The following MAD1L1 variants were observed in gnomAD, a reference collection of about 807,000 sequenced individuals.
MAD1L1 encodes mitotic spindle assembly checkpoint protein MAD1.
Under a neutral mutation model 96.9 loss-of-function variants are expected in MAD1L1, and 95 were observed. The ratio of observed to expected loss-of-function variants is 0.98; its 90% confidence interval spans 0.83 to 1.16. MAD1L1 has a LOEUF of 1.16. MAD1L1 is among the 50% of genes most tolerant of loss of function. The pLI is 0.00. For missense variants in MAD1L1, 1,007 were observed against 954.4 expected, an observed-to-expected ratio of 1.06 and a Z score of -0.73; for synonymous variants, 473 against 396.6, an observed-to-expected ratio of 1.19 and a Z score of -2.29.
intron 11 of MAD1L1, among the ~76,000 whole-genome samples, chr7:2,084,148 C>G (rs149812362): frequency 6.6e-6 from 1 of 152,386 alleles, no homozygotes; most frequent in East Asian, 1.9e-4. Context: ...GGTGGACACT[C>G]CGCAGGATCT....
intron 18 of MAD1L1, chr7:1,847,008 T>G (rs1480013939): frequency 3.0e-6 from 1 of 337,762 alleles, no homozygotes; most frequent in Non-Finnish European, 5.8e-6. Context: ...CCACATTCAT[T>G]ACAAAGAGAC....
intron 12 of MAD1L1, among the ~76,000 whole-genome samples, chr7:2,058,723 A>G (rs1286492206): frequency 1.3e-4 from 10 of 77,820 alleles, no homozygotes; most frequent in African/African-American, 2.0e-4. Flanking sequence ...GGAGAGGCGC[A>G]GGGCTGGAGA....
chr7:1,873,895 G>A (rs1785239621), intron 18 of MAD1L1, among the ~76,000 whole-genome samples: 1 of 152,212 alleles, frequency 6.6e-6, no homozygotes, highest in Non-Finnish European at 1.5e-5. Flanking sequence ...TGGATGCTGA[G>A]CCCATCAAGT....
intron 17 of MAD1L1, among the ~76,000 whole-genome samples, chr7:1,918,532 T>C (rs1788566987): frequency 6.6e-6 from 1 of 152,202 alleles, no homozygotes; most frequent in Admixed American, 6.5e-5. Context: ...AGGGAGGATC[T>C]GTTTGCAGGC....
chr7:1,823,776 T>C lies in MAD1L1; in HGVS notation c.1999-7548A>G, dbSNP rs1317859752. ...TGGCCTTCCTGGGAGAAGCACCCCC[T>C]TGTTCCAGATGAGAAGCCGCAGCTG... On this transcript the variant is annotated intron_variant, in intron 18 of 18. Transcript: ENST00000265854. 1.7e-4 allele frequency among the ~76,000 whole-genome samples: 26 copies of C among 152,138 alleles called. 1 individual carries two copies. Among genetic ancestry groups the C allele is most frequent in the Non-Finnish European group, 1.8e-4 (12 of 67,998 alleles).
At chr7:1,974,720 G>C (rs140049473) in intron 15 of MAD1L1, among the ~76,000 whole-genome samples, 1 of 152,356 alleles carries the variant, frequency 6.6e-6, no homozygotes, top group African/African-American at 2.4e-5. Flanking sequence ...GAGAGGAAAT[G>C]ATCAGTGAAC....
At position 1,861,156 on chromosome 7, in the gene MAD1L1, G is replaced by A. The variant is rs974447852; in HGVS notation, c.1998+37044C>T. On this transcript the variant is annotated intron_variant, in intron 18 of 18. Coordinates refer to ENST00000265854, the MANE Select transcript of MAD1L1 (RefSeq NM_001013836.2). Reference sequence around the variant, plus strand: ...TATTCAAACCACAACCACCAAAGACGGGCAGGAGGCTGGTGACCCCCCGGG... The same window carrying A: ...TATTCAAACCACAACCACCAAAGACAGGCAGGAGGCTGGTGACCCCCCGGG... Among the ~76,000 whole-genome samples the A allele has an allele frequency of 3.9e-5, 6 of 152,176 alleles. No individual in the cohort carries two copies. The East Asian group carries it at 5.8e-4, about 15-fold the overall frequency.
chr7:1,933,776 T>A (rs1050406099), intron 17 of MAD1L1, among the ~76,000 whole-genome samples: 1 of 152,170 alleles, frequency 6.6e-6, no homozygotes, highest in Non-Finnish European at 1.5e-5. Context: ...GGCACACAGA[T>A]GGACAGATGG....
rs186306133 is a variant in MAD1L1, at chr7:2,075,807, T to C, written c.1074-6469A>G. 4.6e-4 allele frequency among the ~76,000 whole-genome samples: 70 copies of C among 152,340 alleles called. 2 individuals carry two copies. In the East Asian group the frequency reaches 0.011, roughly 24 times the overall value. On this transcript the variant is annotated intron_variant, in intron 11 of 18. Coordinates refer to ENST00000265854, the MANE Select transcript of MAD1L1 (RefSeq NM_001013836.2). ...TTAACGACCTTCCTCAAGACACTGC[T>C]GAGCCAGCTCTTCCACGCACGACCC...
intron 11 of MAD1L1, among the ~76,000 whole-genome samples, chr7:2,106,301 G>A (rs1284035110): frequency 1.3e-5 from 2 of 151,958 alleles, no homozygotes; most frequent in East Asian, 1.9e-4. Flanking sequence ...CATCCCTGGA[G>A]ACGGCCATGG....
intron 18 of MAD1L1, among the ~76,000 whole-genome samples, chr7:1,823,351 T>A (rs1270942426): frequency 2.6e-5 from 4 of 152,084 alleles, no homozygotes; most frequent in African/African-American, 9.7e-5. Context: ...GCTCTGACAC[T>A]CAACACCAAA....
chr7:1,921,215 G>T (rs926221935), intron 17 of MAD1L1, among the ~76,000 whole-genome samples: 1 of 152,242 alleles, frequency 6.6e-6, no homozygotes. Context: ...AGACACAGAC[G>T]CTGGAAAGCC....
intron 11 of MAD1L1, among the ~76,000 whole-genome samples, chr7:2,071,547 C>T (rs1359302646): frequency 6.6e-6 from 1 of 152,222 alleles, no homozygotes; most frequent in South Asian, 2.1e-4. Flanking sequence ...GGCTGCAGCC[C>T]CTGGGCAGCT....
chr7:2,163,282 G>C lies in MAD1L1; in HGVS notation c.987-14044C>G, dbSNP rs559655192. Among the ~76,000 whole-genome samples, 4 of 152,300 alleles carry C rather than the reference G, an allele frequency of 2.6e-5. No homozygotes were observed. The South Asian group carries it at 8.3e-4, about 32-fold the overall frequency. On this transcript the variant is annotated intron_variant, in intron 10 of 18. Transcript: ENST00000265854. The stretch of plus-strand genomic sequence containing the variant: ...GCTTGCTCTGGGAGTGTGGGTTGGG[G>C]GCGTAATGGGATGGAACTAGGGAAG...
rs1269769616 is a variant in MAD1L1, at chr7:2,219,430, G to A, written c.498C>T (p.Ile166=). 1 of 1,613,618 alleles carries A rather than the reference G, an allele frequency of 6.2e-7. No individual in the cohort carries two copies. Among genetic ancestry groups the A allele is most frequent in the Non-Finnish European group, 8.5e-7 (1 of 1,179,912 alleles). The part of the protein sequence containing the change: ...GETINALKGR[I]SELQWSVMDQ... ...CCATCACGCTCCACTGCAGTTCCGAGATCCTCCCCTTCAGTGCGTTGATGG... is the reference window on the plus strand; with the variant it reads ...CCATCACGCTCCACTGCAGTTCCGAAATCCTCCCCTTCAGTGCGTTGATGG... The change falls in exon 6 of 19, where the codon ATC becomes ATT. Residue 166 remains isoleucine (I), a synonymous_variant. Transcript: ENST00000265854.
At chr7:2,219,303 C>T (rs1249023489) in intron 6 of MAD1L1, 29 bp downstream of exon 6, 1 of 1,539,662 alleles carries the variant, frequency 6.5e-7, no homozygotes, top group Middle Eastern at 2.2e-4. Context: ...GTGACCCGAC[C>T]CCCGACCCCA....
chr7:1,992,644 T>C (rs1781402095), intron 14 of MAD1L1, among the ~76,000 whole-genome samples: 2 of 152,302 alleles, frequency 1.3e-5, no homozygotes, highest in East Asian at 1.9e-4. Context: ...CTCCTGTCCC[T>C]GTGAAGCCTC....
intron 17 of MAD1L1, among the ~76,000 whole-genome samples, chr7:1,914,219 T>G (rs1470678255): frequency 6.6e-6 from 1 of 152,130 alleles, no homozygotes; most frequent in South Asian, 2.1e-4. Context: ...GATGGCGCTG[T>G]GATGGGTGGC....
At chr7:2,099,372 G>A (rs1007493553) in intron 11 of MAD1L1, among the ~76,000 whole-genome samples, 2 of 152,190 alleles carry the variant, frequency 1.3e-5, no homozygotes, top group African/African-American at 4.8e-5. Context: ...CCTTGGCTTC[G>A]TTAGCATTCA....
Sources: gnomAD v4.1 joint callset for allele counts (sites outside exome capture counted in the v4.1 genomes callset) on GRCh38, gnomAD v4.1.1 for gene constraint, MANE v1.5 for transcripts, NCBI Gene and HGNC (gene_info 2026-07-23, HGNC 2026-07-21) for gene names.